Variants in CNTNAP5 observed in about 807,000 individuals in gnomAD.
CNTNAP5 encodes contactin associated protein family member 5.
A neutral mutation model predicts 150.2 loss-of-function variants in CNTNAP5; 72 were observed. The ratio of observed to expected loss-of-function variants is 0.48; its 90% CI spans 0.40 to 0.58. The LOEUF (loss-of-function observed/expected upper bound fraction) is 0.58. Ranked by LOEUF, CNTNAP5 falls within the 20% of genes least tolerant of loss-of-function variation. CNTNAP5 has a pLI of 0.00. For synonymous variants in CNTNAP5, 672 were observed against 619.8 expected (o/e 1.08, Z -1.25); for missense variants, 1,636 against 1,626.2 (o/e 1.01, Z -0.10).
chr2:124,911,767 G>A (rs956451644), intron 23 of CNTNAP5, among the ~76,000 whole-genome samples: 3 of 152,070 alleles, frequency 2.0e-5, no homozygotes, highest in African/African-American at 4.8e-5. Context: ...TCATGAGGCA[G>A]CTGAGCACTG....
chr2:124,561,261 G>T (rs985791965), intron 10 of CNTNAP5, among the ~76,000 whole-genome samples: 1 of 152,176 alleles, frequency 6.6e-6, no homozygotes, highest in Non-Finnish European at 1.5e-5. Context: ...GGATGTGAAA[G>T]GAAACAGCGT....
At chr2:124,244,145 A>C (rs1363214286) in intron 3 of CNTNAP5, among the ~76,000 whole-genome samples, 1 of 152,100 alleles carries the variant, frequency 6.6e-6, no homozygotes, top group African/African-American at 2.4e-5. Context: ...CTTTCAGCTT[A>C]GCCCCTGGGT....
chr2:124,914,963 C>A lies in CNTNAP5; in HGVS notation c.*675C>A, dbSNP rs143323216. 4 of 152,128 alleles carry A rather than the reference C, an allele frequency of 2.6e-5. No homozygotes were observed. Among genetic ancestry groups the A allele is most frequent in the African/African-American group, 9.7e-5 (4 of 41,364 alleles). 9.4% of individuals were successfully genotyped at this position (152,128 alleles called of 1,614,324 possible). On this transcript the variant is annotated 3_prime_UTR_variant, in exon 24 of 24. Transcript: ENST00000682447. ...TTACCACTCTCTCCTGGGGCCGACA[C>A]GTTGGGACAGCACACCATAGCATAA...
At chr2:124,562,406 T>G (rs1337303694) in intron 10 of CNTNAP5, among the ~76,000 whole-genome samples, 1 of 152,242 alleles carries the variant, frequency 6.6e-6, no homozygotes, top group Non-Finnish European at 1.5e-5. Flanking sequence ...ATTAATTTTA[T>G]GTACTACAGA....
intron 13 of CNTNAP5, among the ~76,000 whole-genome samples, chr2:124,684,609 C>A (rs551066163): frequency 1.3e-5 from 2 of 152,096 alleles, no homozygotes; most frequent in Admixed American, 1.3e-4. Flanking sequence ...AGCTGTGTGA[C>A]CTTGGAAGGT....
intron 3 of CNTNAP5, among the ~76,000 whole-genome samples, chr2:124,329,837 C>T (rs1045769931): frequency 6.6e-6 from 1 of 152,090 alleles, no homozygotes. Flanking sequence ...AGAGGAAAAA[C>T]AATGGTTAAT....
intron 1 of CNTNAP5, among the ~76,000 whole-genome samples, chr2:124,068,960 C>T (rs1234160370): frequency 1.3e-5 from 2 of 151,966 alleles, no homozygotes; most frequent in Non-Finnish European, 2.9e-5. Flanking sequence ...ATACCATGGG[C>T]CTTGGGAGAA....
intron 3 of CNTNAP5, among the ~76,000 whole-genome samples, chr2:124,313,122 T>C (rs897537918): frequency 2.0e-5 from 3 of 152,232 alleles, no homozygotes; most frequent in Non-Finnish European, 4.4e-5. Context: ...TTATCATGTT[T>C]CTCACTTAAC....
intron 1 of CNTNAP5, among the ~76,000 whole-genome samples, chr2:124,138,727 T>C (rs1034228136): frequency 6.6e-6 from 1 of 152,024 alleles, no homozygotes; most frequent in African/African-American, 2.4e-5. Flanking sequence ...GACAGAAAAA[T>C]AAATGGCTCT....
At chr2:124,886,800 G>T (rs1172171242) in intron 21 of CNTNAP5, among the ~76,000 whole-genome samples, 2 of 151,922 alleles carry the variant, frequency 1.3e-5, no homozygotes, top group Admixed American at 1.3e-4. Flanking sequence ...TCACCGGGAG[G>T]CATAGTTCCT....
chr2:124,177,426 A>T (rs1436548743), intron 1 of CNTNAP5, among the ~76,000 whole-genome samples: 2 of 152,134 alleles, frequency 1.3e-5, no homozygotes, highest in African/African-American at 4.8e-5. Flanking sequence ...CTCTATCAGA[A>T]AGTGTGATGA....
intron 19 of CNTNAP5, among the ~76,000 whole-genome samples, chr2:124,850,499 G>C (rs973373487): frequency 2.6e-5 from 4 of 152,142 alleles, no homozygotes; most frequent in Admixed American, 6.5e-5. Context: ...AAAGAGACAA[G>C]AAAGCATCCT....
At chr2:124,105,955 C>A (rs1168802044) in intron 1 of CNTNAP5, among the ~76,000 whole-genome samples, 1 of 152,154 alleles carries the variant, frequency 6.6e-6, no homozygotes, top group Non-Finnish European at 1.5e-5. Context: ...TATTACATCT[C>A]ATTTTTAAAC....
chr2:124,219,808 C>T (rs535042989), intron 1 of CNTNAP5, among the ~76,000 whole-genome samples: 1 of 152,122 alleles, frequency 6.6e-6, no homozygotes, highest in African/African-American at 2.4e-5. Flanking sequence ...TATGTATGCA[C>T]CTTCTGTCAC....
intron 13 of CNTNAP5, among the ~76,000 whole-genome samples, chr2:124,649,877 C>G (rs1264159367): frequency 3.3e-5 from 5 of 152,120 alleles, no homozygotes; most frequent in African/African-American, 9.7e-5. Context: ...TCCATTGCAG[C>G]AGGGAACATC....
intron 19 of CNTNAP5, among the ~76,000 whole-genome samples, chr2:124,853,835 C>T (rs1224851017): frequency 6.6e-6 from 1 of 152,082 alleles, no homozygotes; most frequent in African/African-American, 2.4e-5. Context: ...TAGGCCCTGG[C>T]ATCTTTTGTT....
chr2:124,176,540 A>G (rs1217385093), intron 1 of CNTNAP5, among the ~76,000 whole-genome samples: 2 of 152,230 alleles, frequency 1.3e-5, no homozygotes, highest in Non-Finnish European at 2.9e-5. Context: ...TTACTTGATT[A>G]TAGTTTTACA....
intron 3 of CNTNAP5, among the ~76,000 whole-genome samples, chr2:124,302,166 A>G (rs2104647073): frequency 6.6e-6 from 1 of 152,356 alleles, no homozygotes; most frequent in South Asian, 2.1e-4. Flanking sequence ...CAGAACTGAG[A>G]AAACAAACTT....
chr2:124,410,343 A>G (rs2104768616), intron 3 of CNTNAP5, among the ~76,000 whole-genome samples: 1 of 151,854 alleles, frequency 6.6e-6, no homozygotes, highest in South Asian at 2.1e-4. Flanking sequence ...CAACAAGGAT[A>G]CCCAAGAATT....
Sources: allele counts gnomAD v4.1 joint callset (sites outside exome capture counted in the v4.1 genomes callset), GRCh38; gene constraint gnomAD v4.1.1; transcripts MANE v1.5; gene names NCBI Gene and HGNC (gene_info 2026-07-23, HGNC 2026-07-21).